Variants in TUSC3 observed in about 807,000 individuals in gnomAD.
TUSC3 encodes the protein tumor suppressor candidate 3, also known as dolichyl-diphosphooligosaccharide--protein glycosyltransferase subunit TUSC3.
A neutral mutation model predicts 44.8 loss-of-function variants in TUSC3; 45 were observed. That is an observed-to-expected ratio of 1.00 (90% CI 0.79 to 1.29). The LOEUF is 1.29. Ranked by LOEUF, TUSC3 falls within the 50% of genes most tolerant of loss-of-function variation. TUSC3 has a pLI of 0.00. For synonymous variants in TUSC3, 212 were observed against 152.9 expected, an observed-to-expected ratio of 1.39 and a Z score of -2.85; for missense variants, 519 against 437.9, an observed-to-expected ratio of 1.19 and a Z score of -1.65.
chr8:15,758,289 C>T, intron 10 of TUSC3: 1 of 971,238 alleles, frequency 1.0e-6, no homozygotes. Flanking sequence ...AGTTAACTTA[C>T]TGAAAACTTT....
intron 1 of TUSC3, among the ~76,000 whole-genome samples, chr8:15,467,064 A>G (rs1800423982): frequency 6.6e-6 from 1 of 152,118 alleles, no homozygotes; most frequent in Admixed American, 6.6e-5. Flanking sequence ...ATAAGTGTAC[A>G]GTCTTCGCTT....
At chr8:15,834,627 A>G in the TUSC3 span, among the ~76,000 whole-genome samples, 2 of 152,006 alleles carry the variant, frequency 1.3e-5, no homozygotes, top group South Asian at 4.1e-4. Context: ...TCTTTTTTCT[A>G]TGGATATGGC....
the TUSC3 span, among the ~76,000 whole-genome samples, chr8:15,783,538 G>A: frequency 6.6e-6 from 1 of 151,934 alleles, no homozygotes; most frequent in Admixed American, 6.6e-5. Context: ...ATTGACCAAT[G>A]GAATAGGATA....
intron 1 of TUSC3, among the ~76,000 whole-genome samples, chr8:15,546,272 C>T (rs1801860284): frequency 6.6e-6 from 1 of 151,762 alleles, no homozygotes; most frequent in Non-Finnish European, 1.5e-5. Context: ...TGTGTTTTCT[C>T]ATTGCTGTTT....
intron 1 of TUSC3, among the ~76,000 whole-genome samples, chr8:15,427,476 C>G (rs900738772): frequency 1.3e-5 from 2 of 152,080 alleles, no homozygotes; most frequent in African/African-American, 4.8e-5. Flanking sequence ...AGTAAGATCT[C>G]AGGGGTGTAG....
intron 2 of TUSC3, among the ~76,000 whole-genome samples, chr8:15,501,774 C>T (rs1323924898): frequency 6.6e-6 from 1 of 152,144 alleles, no homozygotes; most frequent in African/African-American, 2.4e-5. Flanking sequence ...TAACAGGATG[C>T]TGATTGCCTT....
At chr8:15,634,267 G>T (rs1022845097) in intron 2 of TUSC3, among the ~76,000 whole-genome samples, 2 of 152,172 alleles carry the variant, frequency 1.3e-5, no homozygotes, top group Admixed American at 6.5e-5. Context: ...AGTGCCTTCA[G>T]TGTAGCCTCT....
chr8:15,683,950 C>G (rs1046200230), intron 6 of TUSC3, among the ~76,000 whole-genome samples: 5 of 152,036 alleles, frequency 3.3e-5, no homozygotes, highest in Non-Finnish European at 7.3e-5. Flanking sequence ...GTGGGTTTCA[C>G]AGGCTCTGAG....
chr8:15,810,038 T>C, the TUSC3 span, among the ~76,000 whole-genome samples: 1 of 152,200 alleles, frequency 6.6e-6, no homozygotes, highest in Non-Finnish European at 1.5e-5. Flanking sequence ...TTGGATAATG[T>C]CTGTGCTGCT....
rs562214951 is a variant in TUSC3 at position 15,541,992 on chromosome 8, C to T, written c.138+1424C>T. Reference sequence around the variant, plus strand: ...AACCCCAAAGTATTTTAAGACTGACCTTAATCAATTTTTTTTTTTTTGCCA... The same window carrying T: ...AACCCCAAAGTATTTTAAGACTGACTTTAATCAATTTTTTTTTTTTTGCCA... On this transcript the variant is annotated intron_variant, in intron 1 of 10. Coordinates refer to ENST00000503731, the MANE Select transcript of TUSC3 (RefSeq NM_006765.4). Among the ~76,000 whole-genome samples the T allele has an allele frequency of 5.6e-4, 81 of 144,270 alleles. 1 individual carries two copies. In the South Asian group the frequency reaches 0.017, roughly 31 times the overall value. 94.6% of individuals were successfully genotyped at this position (144,270 alleles called of 152,430 possible).
chr8:15,808,874 A>G, the TUSC3 span, among the ~76,000 whole-genome samples: 1 of 152,152 alleles, frequency 6.6e-6, no homozygotes, highest in Admixed American at 6.6e-5. Flanking sequence ...TTAAAAAAAG[A>G]TAACATGTAT....
intron 5 of TUSC3, among the ~76,000 whole-genome samples, chr8:15,666,079 C>T (rs879924032): frequency 9.3e-5 from 14 of 151,344 alleles, no homozygotes; most frequent in Non-Finnish European, 1.6e-4. Context: ...AGCATAGATA[C>T]GTAGTTTATG....
At chr8:15,478,350 T>C (rs901732793) in intron 1 of TUSC3, among the ~76,000 whole-genome samples, 3 of 152,102 alleles carry the variant, frequency 2.0e-5, no homozygotes, top group Non-Finnish European at 4.4e-5. Context: ...TGTGCCATGG[T>C]AGTTTGCTGC....
the TUSC3 span, among the ~76,000 whole-genome samples, chr8:15,797,236 C>A: frequency 0.016 from 2,489 of 152,286 alleles, 36 homozygotes; most frequent in East Asian, 0.083. Flanking sequence ...GGTTTGGGCC[C>A]TATGCAAATT....
At chr8:15,781,588 CAGAA>C in the TUSC3 span, among the ~76,000 whole-genome samples, 19 of 151,566 alleles carry the variant, frequency 1.3e-4, no homozygotes, top group Non-Finnish European at 1.5e-4. Context: ...GAAAAAAATT[CAGAA>C]AGAAAAAAAG....
At chr8:15,534,781 A>G (rs1038730467) in intron 2 of TUSC3, among the ~76,000 whole-genome samples, 3 of 152,334 alleles carry the variant, frequency 2.0e-5, no homozygotes, top group Admixed American at 6.5e-5. Context: ...GGTCAGAACA[A>G]ATGTATAGAC....
chr8:15,763,773 T>C (rs1812245831), intron 10 of TUSC3, among the ~76,000 whole-genome samples: 1 of 152,058 alleles, frequency 6.6e-6, no homozygotes, highest in Non-Finnish European at 1.5e-5. Context: ...TATGATGAAA[T>C]TGTAAATTAA....
the TUSC3 span, among the ~76,000 whole-genome samples, chr8:15,828,540 C>T: frequency 6.6e-6 from 1 of 152,248 alleles, no homozygotes; most frequent in East Asian, 1.9e-4. Context: ...AAGTAGTAAA[C>T]AAATGGGAAT....
At chr8:15,504,603 ATATATATATATATATATATTTTTTT>A (rs1401746757) in intron 2 of TUSC3, among the ~76,000 whole-genome samples, 55 of 38,498 alleles carry the variant, frequency 1.4e-3, no homozygotes, top group African/African-American at 6.7e-3. Context: ...ATATATATAT[ATATATATATATATATATATTTTTTT>A]TTTTTTTTTT....
Sources: allele counts gnomAD v4.1 joint callset (sites outside exome capture counted in the v4.1 genomes callset), GRCh38; gene constraint gnomAD v4.1.1; transcripts MANE v1.5; gene names NCBI Gene and HGNC (gene_info 2026-07-23, HGNC 2026-07-21).